Variants in METTL8 observed in about 807,000 individuals in gnomAD.
METTL8 encodes methyltransferase 8, tRNA N3-cytidine, also known as tRNA N(3)-cytidine methyltransferase METTL8, mitochondrial.
A neutral mutation model predicts 48.7 loss-of-function variants in METTL8; 32 were observed. The observed-to-expected ratio is 0.66, with a 90% CI of 0.50 to 0.88. The LOEUF is 0.88. Among genes scored for constraint, METTL8 ranks in the 40% least tolerant of loss-of-function variants. The pLI, the probability that METTL8 is intolerant of heterozygous loss-of-function variation, is 0.00. For synonymous variants in METTL8, 136 were observed against 157.1 expected (o/e 0.87, Z 1.01); for missense variants, 464 against 474.4 (o/e 0.98, Z 0.20).
At chr2:171,350,685 G>GT (rs1342829302) in intron 3 of METTL8, among the ~76,000 whole-genome samples, 2 of 152,138 alleles carry the variant, frequency 1.3e-5, no homozygotes, top group Non-Finnish European at 2.9e-5. Flanking sequence ...TCTCATTGTG[G>GT]TTTTGATTTG....
At chr2:171,390,515 G>A (rs1688487152) in intron 2 of METTL8, among the ~76,000 whole-genome samples, 1 of 152,240 alleles carries the variant, frequency 6.6e-6, no homozygotes, top group Non-Finnish European at 1.5e-5. Flanking sequence ...GAACATTTGT[G>A]ATTCATGGGA....
At chr2:171,434,335 C>T (rs886055102), upstream of METTL8, 1 of 703,788 alleles carries the variant, frequency 1.4e-6, no homozygotes, top group Non-Finnish European at 2.5e-6. Flanking sequence ...GCCAGAGAGC[C>T]TGGGGCAGAT....
At chr2:171,431,148 C>G (rs895164628) in intron 1 of METTL8, among the ~76,000 whole-genome samples, 2 of 152,180 alleles carry the variant, frequency 1.3e-5, no homozygotes, top group African/African-American at 2.4e-5. Context: ...CGACGTGCCC[C>G]AAAAGTGCTT....
At chr2:171,390,819 G>C (rs1688515342) in intron 2 of METTL8, among the ~76,000 whole-genome samples, 2 of 152,094 alleles carry the variant, frequency 1.3e-5, no homozygotes, top group South Asian at 2.1e-4. Flanking sequence ...AAAGAATTTA[G>C]ACATAATTTA....
intron 8 of METTL8, 34 bp from the exon 9 acceptor site, chr2:171,325,940 G>C (rs1684906090): frequency 6.8e-7 from 1 of 1,461,756 alleles, no homozygotes; most frequent in Admixed American, 1.9e-5. Flanking sequence ...AACTCTTAAG[G>C]GTATTCCTTT....
Position 171,337,462 on chromosome 2 carries a change from T to C in METTL8, c.647A>G (p.Asn216Ser). 1.2e-6 allele frequency: 2 copies of C among 1,603,152 alleles called. No individual in the cohort carries two copies. Among genetic ancestry groups the C allele is most frequent in the Non-Finnish European group, 1.7e-6 (2 of 1,174,434 alleles). Residue 216 changes from asparagine to serine, a missense_variant, in exon 5 of 10, where the codon AAC becomes AGC. Asn to Ser is a conservative substitution (Grantham distance 46, BLOSUM62 1). Transcript: ENST00000375258. ...GAGNSVFPILNTLENSPESFL... is the reference protein window; with the variant it reads ...GAGNSVFPILSTLENSPESFL... The stretch of plus-strand genomic sequence containing the variant: ...AACTCTTAAAACTCACTCCAAAGTG[T>C]TCAAAATTGGAAACACACTATTTCC...
At chr2:171,429,580 C>T (rs368736576) in intron 1 of METTL8, among the ~76,000 whole-genome samples, 3 of 151,754 alleles carry the variant, frequency 2.0e-5, no homozygotes, top group African/African-American at 2.4e-5. Context: ...CGGGTGTTAT[C>T]GGTGTATAAA....
chr2:171,403,531 A>G (rs1218153334), intron 1 of METTL8, among the ~76,000 whole-genome samples: 1 of 152,112 alleles, frequency 6.6e-6, no homozygotes, highest in African/African-American at 2.4e-5. Context: ...GAATCCTGGA[A>G]CTCAAAAAAG....
chr2:171,399,240 G>A (rs1288715956), intron 1 of METTL8, among the ~76,000 whole-genome samples: 2 of 152,144 alleles, frequency 1.3e-5, no homozygotes, highest in Non-Finnish European at 2.9e-5. Flanking sequence ...CTAAGGAACA[G>A]ACGAGAAAGG....
rs1574236745 is a variant in METTL8 at position 171,422,545 on chromosome 2, A to G, written c.-13+11338T>C. 2.0e-5 allele frequency among the ~76,000 whole-genome samples: 3 copies of G among 152,292 alleles called. No homozygotes were observed. In the South Asian group the frequency reaches 6.2e-4, roughly 32 times the overall value. On this transcript the variant is annotated intron_variant, in intron 1 of 9. Coordinates refer to ENST00000375258, the MANE Select transcript of METTL8 (RefSeq NM_001321154.2). ...TATCAAATAAGCCACATATTGGGAG[A>G]AGACATTTGTAACACATATTATGAT...
At chr2:171,333,679 T>C (rs1249621580) in intron 5 of METTL8, among the ~76,000 whole-genome samples, 1 of 152,212 alleles carries the variant, frequency 6.6e-6, no homozygotes, top group Non-Finnish European at 1.5e-5. Flanking sequence ...GACTTGTAAT[T>C]TGCTGGGTGT....
chr2:171,322,896 T>C lies in METTL8; in HGVS notation c.*1276A>G, dbSNP rs1404732957. ...ATTCAGGCCTCCCCTTTGTAGACCA[T>C]ATGGGTAACTTCCTGATGTTGCCAT... On this transcript the variant is annotated 3_prime_UTR_variant, in exon 10 of 10. Coordinates refer to ENST00000375258, the MANE Select transcript of METTL8 (RefSeq NM_001321154.2). 1 of 152,228 alleles carries C rather than the reference T, an allele frequency of 6.6e-6. No homozygotes were observed. The highest frequency in any genetic ancestry group is 1.5e-5 in the Non-Finnish European group (1 of 68,058). The allele number at this position is 152,228 out of a possible 1,614,324, so 9.4% of individuals were successfully genotyped here. A position where few individuals can be genotyped will look rare whatever the true frequency, so the allele number is the denominator to read the frequency against.
At chr2:171,335,826 G>A (rs539005110) in intron 5 of METTL8, among the ~76,000 whole-genome samples, 1 of 152,260 alleles carries the variant, frequency 6.6e-6, no homozygotes, top group South Asian at 2.1e-4. Flanking sequence ...TTTGTCAGTG[G>A]CTATGTTAGG....
rs768515331 is a variant in METTL8 at position 171,339,412 on chromosome 2, T to C, written c.378A>G (p.Arg126=). 7.3e-5 allele frequency: 118 copies of C among 1,613,634 alleles called. No homozygotes were observed. The highest frequency in any genetic ancestry group is 9.8e-5 in the Non-Finnish European group (116 of 1,179,800). Residue 126 remains arginine, a synonymous_variant, in exon 4 of 10, where the codon AGA becomes AGG. Coordinates refer to ENST00000375258, the MANE Select transcript of METTL8 (RefSeq NM_001321154.2). ...TTTTTACATGATCCCATGATGATTC[T>C]CTCGCCTTCTCTTCAGGTTTTTGAT... ...PVDQKPEEKA[R]ESSWDHVKTS... is the part of the protein sequence containing the mutation.
At chr2:171,327,680 G>T (rs145990300) in intron 7 of METTL8, among the ~76,000 whole-genome samples, 2 of 152,270 alleles carry the variant, frequency 1.3e-5, no homozygotes, top group African/African-American at 4.8e-5. Flanking sequence ...AGGACAAAAG[G>T]AGGTGGCATG....
intron 5 of METTL8, among the ~76,000 whole-genome samples, chr2:171,333,853 C>G (rs1285955632): frequency 1.3e-5 from 2 of 152,048 alleles, no homozygotes; most frequent in Non-Finnish European, 2.9e-5. Context: ...ATTCAATTCC[C>G]TCATCTTTAA....
chr2:171,345,866 T>C (rs531483673), intron 3 of METTL8, among the ~76,000 whole-genome samples: 15 of 152,180 alleles, frequency 9.9e-5, no homozygotes, highest in South Asian at 2.1e-4. Context: ...AACTCAAAAA[T>C]TGCCAAATGT....
In METTL8 at chr2:171,387,553, A is replaced by T. The variant is rs538275341; in HGVS notation, c.143+4490T>A. 4.5e-4 allele frequency among the ~76,000 whole-genome samples: 68 copies of T among 149,986 alleles called. No homozygotes were observed. In the Middle Eastern group the frequency reaches 0.014, roughly 30 times the overall value. ...TTATTTAAAAAAAATTAAAAAAAAA[A>T]TTTTTTTTTAAATATATATATGTAT... On this transcript the variant is annotated intron_variant, in intron 2 of 9. Coordinates refer to ENST00000375258, the MANE Select transcript of METTL8 (RefSeq NM_001321154.2).
intron 1 of METTL8, among the ~76,000 whole-genome samples, chr2:171,411,109 A>G (rs564912631): frequency 4.5e-4 from 68 of 152,326 alleles, no homozygotes; most frequent in African/African-American, 1.6e-3. Context: ...GACCAATATG[A>G]AGAAAGCTAT....
Sources: allele counts gnomAD v4.1 joint callset (sites outside exome capture counted in the v4.1 genomes callset), GRCh38; gene constraint gnomAD v4.1.1; transcripts MANE v1.5; gene names NCBI Gene and HGNC (gene_info 2026-07-23, HGNC 2026-07-21).